The following TTC28 variants were observed in gnomAD, a reference collection of about 807,000 sequenced individuals.
TTC28 encodes tetratricopeptide repeat protein 28.
A neutral mutation model predicts 198.0 loss-of-function variants in TTC28; 61 were observed. That is an observed-to-expected ratio of 0.31 (90% CI 0.25 to 0.38). The LOEUF is 0.38. Among genes scored for constraint, TTC28 ranks in the 10% least tolerant of loss-of-function variants. The pLI is 1.00. For synonymous variants in TTC28, 1,171 were observed against 1,297.8 expected (o/e 0.90, Z 2.10); for missense variants, 2,678 against 3,164.0 (o/e 0.85, Z 3.69).
intron 12 of TTC28, among the ~76,000 whole-genome samples, chr22:28,066,064 T>C (rs934122319): frequency 1.3e-5 from 2 of 152,252 alleles, no homozygotes; most frequent in East Asian, 1.9e-4. Flanking sequence ...TAAAGGCAGA[T>C]ACTCAACAAG....
intron 20 of TTC28, 60 bp downstream of exon 20, chr22:27,990,729 C>T (rs981602501): frequency 1.4e-5 from 18 of 1,289,164 alleles, no homozygotes; most frequent in South Asian, 7.7e-5. Context: ...CAGGGGAACT[C>T]GGGGGTGGGT....
intron 2 of TTC28, among the ~76,000 whole-genome samples, chr22:28,553,643 C>T (rs1364209032): frequency 4.0e-5 from 6 of 151,710 alleles, no homozygotes; most frequent in East Asian, 2.0e-4. Flanking sequence ...CCACCCCATC[C>T]GGGAGGGAGG....
At chr22:28,302,812 T>G (rs1157651793) in intron 3 of TTC28, among the ~76,000 whole-genome samples, 1 of 152,016 alleles carries the variant, frequency 6.6e-6, no homozygotes, top group Admixed American at 6.6e-5. Context: ...GTAGCTAGGA[T>G]TACAGGTGCC....
intron 6 of TTC28, among the ~76,000 whole-genome samples, chr22:28,149,343 C>T (rs9625418): frequency 0.07 from 10,621 of 152,186 alleles, 431 homozygotes; most frequent in South Asian, 0.09. Context: ...AACCAAGATA[C>T]AGAATCAACC....
At chr22:28,603,112 C>G (rs1171351800) in intron 2 of TTC28, among the ~76,000 whole-genome samples, 1 of 152,124 alleles carries the variant, frequency 6.6e-6, no homozygotes, top group Non-Finnish European at 1.5e-5. Flanking sequence ...ATCTCTTGAC[C>G]TCGTGACCCA....
intron 2 of TTC28, chr22:28,629,305 AT>A (rs2051130885): frequency 4.4e-6 from 2 of 457,696 alleles, no homozygotes; most frequent in Non-Finnish European, 3.8e-6. Flanking sequence ...AGCGGCACAG[AT>A]AAAAAAAAAT....
intron 5 of TTC28, among the ~76,000 whole-genome samples, chr22:28,204,529 CT>C (rs2147161544): frequency 6.6e-6 from 1 of 152,246 alleles, no homozygotes; most frequent in East Asian, 1.9e-4. Context: ...CCATCTAACT[CT>C]GAGGCCTATG....
intron 13 of TTC28, among the ~76,000 whole-genome samples, chr22:28,024,417 A>G (rs1938740259): frequency 6.6e-6 from 1 of 152,134 alleles, no homozygotes; most frequent in East Asian, 1.9e-4. Context: ...GGTGGGGGGA[A>G]AATGGAACAG....
At chr22:28,297,470 G>C in intron 4 of TTC28, 110 bp downstream of exon 4, 1 of 1,301,598 alleles carries the variant, frequency 7.7e-7, no homozygotes, top group Non-Finnish European at 1.0e-6. Context: ...GGGATTACAG[G>C]TGTGAGCAAC....
chr22:28,109,963 C>CT (rs1444894291), intron 6 of TTC28, among the ~76,000 whole-genome samples: 3 of 152,246 alleles, frequency 2.0e-5, no homozygotes, highest in Admixed American at 1.3e-4. Flanking sequence ...GTGTATCTCT[C>CT]TGACACTCTT....
At chr22:28,238,394 G>T (rs1363279516) in intron 5 of TTC28, among the ~76,000 whole-genome samples, 1 of 151,982 alleles carries the variant, frequency 6.6e-6, no homozygotes, top group Non-Finnish European at 1.5e-5. Context: ...TTCTGAAATT[G>T]TATTTTTCCA....
intron 10 of TTC28, among the ~76,000 whole-genome samples, chr22:28,097,864 G>C (rs894369614): frequency 6.6e-6 from 1 of 152,108 alleles, no homozygotes; most frequent in African/African-American, 2.4e-5. Context: ...CGGGAAAATC[G>C]GCCCCTAGGT....
At chr22:28,202,639 C>A (rs1015984001) in intron 5 of TTC28, among the ~76,000 whole-genome samples, 1 of 152,006 alleles carries the variant, frequency 6.6e-6, no homozygotes, top group Non-Finnish European at 1.5e-5. Context: ...CTAGCAGGGA[C>A]CTTGGTCATC....
intron 1 of TTC28, among the ~76,000 whole-genome samples, chr22:28,646,289 C>T (rs1202288927): frequency 6.6e-6 from 1 of 152,176 alleles, no homozygotes; most frequent in African/African-American, 2.4e-5. Flanking sequence ...AAATCAGAAA[C>T]TCAGTCCTTT....
rs557119464 is a variant in TTC28 at position 28,229,134 on chromosome 22, C to T, written c.934-65535G>A. ...CCGTGCCACTGCACTCCAGCCTGGG[C>T]GACAGAGCAAGACTCCATCTCAAAA... is the stretch of plus-strand genomic sequence containing the variant. On this transcript the variant is annotated intron_variant, in intron 5 of 22. Transcript: ENST00000397906. Among the ~76,000 whole-genome samples the T allele has an allele frequency of 9.6e-4, 146 of 152,116 alleles. 1 individual carries two copies. Among genetic ancestry groups the T allele is most frequent in the African/African-American group, 3.3e-3 (136 of 41,504 alleles).
At chr22:28,245,329 C>T (rs563143046) in intron 5 of TTC28, among the ~76,000 whole-genome samples, 14 of 152,218 alleles carry the variant, frequency 9.2e-5, no homozygotes, top group African/African-American at 3.1e-4. Context: ...GTATGCAGCT[C>T]CTATTATTAA....
At chr22:28,202,149 T>C (rs1004614777) in intron 5 of TTC28, among the ~76,000 whole-genome samples, 2 of 152,164 alleles carry the variant, frequency 1.3e-5, no homozygotes, top group Non-Finnish European at 2.9e-5. Context: ...TCAGTCAGTC[T>C]AACTTCAGAG....
Position 28,107,154 on chromosome 22 carries a change from G to C in TTC28, c.2691C>G (p.Ile897Met). ...CAGATAAATATTGTTCATAGTATTT[G>C]ATAGCTTCCTCATAGTCACCCAGGG... ...YEALGDYEEA[I>M]KYYEQYLSVA... The change falls in exon 7 of 23, where the codon ATC (isoleucine) becomes ATG (methionine). Residue 897 changes from isoleucine to methionine, a missense_variant. Coordinates refer to ENST00000397906, the MANE Select transcript of TTC28 (RefSeq NM_001145418.2). 1 of 1,551,706 alleles carries C rather than the reference G, an allele frequency of 6.4e-7. No individual in the cohort carries two copies. The highest frequency in any genetic ancestry group is 8.7e-7 in the Non-Finnish European group (1 of 1,147,000).
At chr22:28,566,626 C>A (rs1015183612) in intron 2 of TTC28, among the ~76,000 whole-genome samples, 2 of 151,944 alleles carry the variant, frequency 1.3e-5, no homozygotes, top group Admixed American at 1.3e-4. Context: ...AAACATCAAT[C>A]AAGATTTTAA....
Sources: gnomAD v4.1 joint callset for allele counts (sites outside exome capture counted in the v4.1 genomes callset) on GRCh38, gnomAD v4.1.1 for gene constraint, MANE v1.5 for transcripts, NCBI Gene and HGNC (gene_info 2026-07-23, HGNC 2026-07-21) for gene names.